The following RUNDC3B variants were observed in gnomAD, a reference collection of about 807,000 sequenced individuals.
The protein encoded by RUNDC3B is RUN domain-containing protein 3B.
In RUNDC3B, 33 loss-of-function variants were observed where a neutral mutation model predicts 58.4. The observed-to-expected ratio is 0.56, with a 90% CI of 0.43 to 0.75. RUNDC3B has a LOEUF of 0.75. Ranked by LOEUF, RUNDC3B falls within the 30% of genes least tolerant of loss-of-function variation. The probability of loss-of-function intolerance (pLI) is 0.00; values close to 1 mark genes in which losing one functional copy is unlikely to be tolerated. For missense variants in RUNDC3B, 501 were observed against 535.7 expected, an observed-to-expected ratio of 0.94 and a Z score of 0.64; for synonymous variants, 193 against 195.2, an observed-to-expected ratio of 0.99 and a Z score of 0.10.
At chr7:87,668,835 A>G (rs914068772) in intron 2 of RUNDC3B, among the ~76,000 whole-genome samples, 1 of 152,090 alleles carries the variant, frequency 6.6e-6, no homozygotes, top group Admixed American at 6.6e-5. Context: ...TCTGTGATCC[A>G]AGAGTGTGTT....
chr7:87,786,259 T>G (rs1835209560), intron 8 of RUNDC3B, among the ~76,000 whole-genome samples: 1 of 152,084 alleles, frequency 6.6e-6, no homozygotes, highest in Admixed American at 6.6e-5. Context: ...CCAGTGTTAT[T>G]TTGTAATGAG....
chr7:87,713,126 A>C (rs1404789868), intron 4 of RUNDC3B: 3 of 152,178 alleles, frequency 2.0e-5, no homozygotes, highest in Non-Finnish European at 4.4e-5. Flanking sequence ...AGATTTGTAA[A>C]ATACAAACAA....
At chr7:87,820,319 C>T (rs905375833) in intron 10 of RUNDC3B, among the ~76,000 whole-genome samples, 2 of 152,088 alleles carry the variant, frequency 1.3e-5, no homozygotes, top group African/African-American at 2.4e-5. Context: ...ACACATACAC[C>T]ATCCCATGAC....
At chr7:87,810,706 A>G (rs1161466974) in intron 9 of RUNDC3B, among the ~76,000 whole-genome samples, 4 of 152,146 alleles carry the variant, frequency 2.6e-5, no homozygotes, top group Admixed American at 2.6e-4. Context: ...ATAAAATATA[A>G]TTTCGTTTAT....
Position 87,628,758 on chromosome 7 carries a change from C to T in RUNDC3B, c.-66C>T. 11 of 1,025,790 alleles carry T rather than the reference C, an allele frequency of 1.1e-5. No individual in the cohort carries two copies. The highest frequency in any genetic ancestry group is 1.1e-5 in the Non-Finnish European group (9 of 787,584). 63.5% of individuals were successfully genotyped at this position (1,025,790 alleles called of 1,614,324 possible). A position where few individuals can be genotyped will look rare whatever the true frequency, so the allele number is the denominator to read the frequency against. On this transcript the variant is annotated 5_prime_UTR_variant, in exon 1 of 11. Transcript: ENST00000394654. ...ACGGTTGCGGACCGAGCGAGAACCCCCTTAAGCAGGTGTGGGGGGCGTGCG... is the reference window on the plus strand; with the variant it reads ...ACGGTTGCGGACCGAGCGAGAACCCTCTTAAGCAGGTGTGGGGGGCGTGCG...
At chr7:87,670,688 G>T (rs571547704) in intron 2 of RUNDC3B, among the ~76,000 whole-genome samples, 1 of 152,244 alleles carries the variant, frequency 6.6e-6, no homozygotes, top group African/African-American at 2.4e-5. Flanking sequence ...GCTTTGTGCA[G>T]TGTCTTTATT....
chr7:87,658,632 G>T (rs545917617), intron 2 of RUNDC3B, among the ~76,000 whole-genome samples: 10 of 152,144 alleles, frequency 6.6e-5, no homozygotes, highest in African/African-American at 2.4e-4. Context: ...GTTGCAAATA[G>T]AGAAAAATGA....
At chr7:87,795,322 T>G (rs1247334378) in intron 8 of RUNDC3B, among the ~76,000 whole-genome samples, 1 of 152,152 alleles carries the variant, frequency 6.6e-6, no homozygotes, top group Non-Finnish European at 1.5e-5. Flanking sequence ...GCAAAAGATT[T>G]GAATTGATAT....
At chr7:87,816,842 G>C (rs1388963665) in intron 10 of RUNDC3B, among the ~76,000 whole-genome samples, 1 of 152,072 alleles carries the variant, frequency 6.6e-6, no homozygotes, top group African/African-American at 2.4e-5. Context: ...TGAATTATAT[G>C]GTCCCATTTC....
At chr7:87,659,601 AGAG>A (rs1824486166) in intron 2 of RUNDC3B, among the ~76,000 whole-genome samples, 2 of 152,146 alleles carry the variant, frequency 1.3e-5, no homozygotes, top group East Asian at 3.9e-4. Context: ...AGAACACTCA[AGAG>A]GAGAAGGATA....
At chr7:87,630,510 G>C (rs1377058809) in intron 1 of RUNDC3B, among the ~76,000 whole-genome samples, 1 of 152,050 alleles carries the variant, frequency 6.6e-6, no homozygotes, top group Non-Finnish European at 1.5e-5. Flanking sequence ...TAGGTAAATG[G>C]AACCATAAGC....
At chr7:87,815,547 A>G (rs1161608438) in intron 9 of RUNDC3B, among the ~76,000 whole-genome samples, 1 of 152,102 alleles carries the variant, frequency 6.6e-6, no homozygotes, top group African/African-American at 2.4e-5. Context: ...TATTAGCTTA[A>G]TAGAAAATGG....
At chr7:87,807,798 G>A (rs529709340) in intron 9 of RUNDC3B, among the ~76,000 whole-genome samples, 8 of 152,034 alleles carry the variant, frequency 5.3e-5, no homozygotes, top group African/African-American at 1.9e-4. Flanking sequence ...TTCTATCATT[G>A]GTGTGGTATT....
intron 6 of RUNDC3B, among the ~76,000 whole-genome samples, chr7:87,753,355 T>C (rs1392149003): frequency 2.0e-5 from 3 of 152,098 alleles, no homozygotes; most frequent in African/African-American, 4.8e-5. Context: ...ATTCTGTTGA[T>C]TTGGGGTGGA....
At chr7:87,822,523 C>T (rs1386051698) in intron 10 of RUNDC3B, among the ~76,000 whole-genome samples, 1 of 152,198 alleles carries the variant, frequency 6.6e-6, no homozygotes, top group Non-Finnish European at 1.5e-5. Context: ...TTTGACCCAT[C>T]CATCCCATTA....
intron 2 of RUNDC3B, among the ~76,000 whole-genome samples, chr7:87,663,132 G>T (rs966481821): frequency 1.1e-4 from 16 of 151,932 alleles, no homozygotes; most frequent in Non-Finnish European, 1.9e-4. Flanking sequence ...AGTTCTAATG[G>T]CTTTTTGGTG....
intron 2 of RUNDC3B, among the ~76,000 whole-genome samples, chr7:87,666,762 T>C (rs548354861): frequency 1.3e-5 from 2 of 152,300 alleles, no homozygotes; most frequent in Non-Finnish European, 2.9e-5. Flanking sequence ...CCCCATTGCT[T>C]GTTTTTGTCA....
chr7:87,715,426 A>C, intron 4 of RUNDC3B, among the ~76,000 whole-genome samples: 1 of 129,902 alleles, frequency 7.7e-6, no homozygotes, highest in South Asian at 2.1e-4. Flanking sequence ...TATATTTAAT[A>C]TATAATTATA....
chr7:87,666,477 G>A (rs1051545566), intron 2 of RUNDC3B, among the ~76,000 whole-genome samples: 1 of 152,274 alleles, frequency 6.6e-6, no homozygotes, highest in East Asian at 1.9e-4. Context: ...TTGCTGCACA[G>A]AAGCTCTTAA....
Sources: allele counts gnomAD v4.1 joint callset (sites outside exome capture counted in the v4.1 genomes callset), GRCh38; gene constraint gnomAD v4.1.1; transcripts MANE v1.5; gene names NCBI Gene and HGNC (gene_info 2026-07-23, HGNC 2026-07-21).